The following RPH3AL variants were observed in gnomAD, a reference collection of about 807,000 sequenced individuals.
The protein encoded by RPH3AL is rabphilin 3A like (without C2 domains).
A neutral mutation model predicts 43.1 loss-of-function variants in RPH3AL; 38 were observed. The ratio of observed to expected loss-of-function variants is 0.88; its 90% confidence interval spans 0.68 to 1.15. RPH3AL has a LOEUF of 1.15. RPH3AL is among the 50% of genes most tolerant of loss of function. The pLI is 0.00. For missense variants in RPH3AL, 462 were observed against 423.2 expected (o/e 1.09, Z -0.81); for synonymous variants, 189 against 176.3 (o/e 1.07, Z -0.57).
chr17:249,086 G>A (rs1292781982), intron 6 of RPH3AL, among the ~76,000 whole-genome samples: 2 of 152,166 alleles, frequency 1.3e-5, no homozygotes, highest in Non-Finnish European at 2.9e-5. Flanking sequence ...CAGCTGCTGA[G>A]TTAAGGTCCC....
At chr17:329,879 C>T (rs1039473955) in intron 2 of RPH3AL, among the ~76,000 whole-genome samples, 1 of 152,182 alleles carries the variant, frequency 6.6e-6, no homozygotes, top group African/African-American at 2.4e-5. Flanking sequence ...AAATATTTTT[C>T]TTTGATATTG....
chr17:274,802 G>A lies in RPH3AL; in HGVS notation c.438+6966C>T, dbSNP rs543019548. 6.6e-6 allele frequency among the ~76,000 whole-genome samples: 1 copy of A among 152,334 alleles called. No individual in the cohort carries two copies. Among genetic ancestry groups the A allele is most frequent in the African/African-American group, 2.4e-5 (1 of 41,564 alleles). On this transcript the variant is annotated intron_variant, in intron 6 of 9. Coordinates refer to ENST00000331302, the MANE Select transcript of RPH3AL (RefSeq NM_006987.4). The surrounding 1 kb of genome is among the most constrained non-coding windows in gnomAD (Gnocchi z 4.7). Reference sequence around the variant, plus strand: ...GGGGAAAACCTCCAAAGTGTTTAGTGCAGGTGAATGTGGCATGCTAGGGCT... The same window carrying A: ...GGGGAAAACCTCCAAAGTGTTTAGTACAGGTGAATGTGGCATGCTAGGGCT...
At chr17:241,918 G>A (rs34170095) in intron 7 of RPH3AL, among the ~76,000 whole-genome samples, 24,412 of 151,790 alleles carry the variant, frequency 0.16, 2,036 homozygotes, top group South Asian at 0.19. Context: ...GGGGTTTGAG[G>A]CTAGCCTGGC....
At position 274,227 on chromosome 17, in the gene RPH3AL, AC is replaced by A. The variant is rs2042601492; in HGVS notation, c.438+7540del. ...AAGCACGTGGAAAAGGCACCGCGAA[AC>A]CCCAGCCCGGGGCCTCTGACAGCTC... On this transcript the variant is annotated intron_variant, in intron 6 of 9. Coordinates refer to ENST00000331302, the MANE Select transcript of RPH3AL (RefSeq NM_006987.4). This position sits in a 1 kb window ranked among gnomAD's most constrained non-coding sequence, Gnocchi z 4.7. Among the ~76,000 whole-genome samples the A allele has an allele frequency of 6.6e-6, 1 of 152,176 alleles. No individual in the cohort carries two copies. The highest frequency in any genetic ancestry group is 2.4e-5 in the African/African-American group (1 of 41,444).
rs1276788755 is a variant in RPH3AL, at chr17:292,943, C to G, written c.352-11089G>C. 2.0e-5 allele frequency among the ~76,000 whole-genome samples: 3 copies of G among 152,328 alleles called. No homozygotes were observed. The East Asian group carries it at 5.8e-4, about 29-fold the overall frequency. On this transcript the variant is annotated intron_variant, in intron 5 of 9. Transcript: ENST00000331302. ...CCTGCTGCCGGGTCTGAGACAGAAG[C>G]CAGAGGCAAGTGGAGAAACATTTCA...
chr17:285,107 G>A (rs1443257485), intron 5 of RPH3AL, among the ~76,000 whole-genome samples: 1 of 152,206 alleles, frequency 6.6e-6, no homozygotes, highest in East Asian at 1.9e-4. Context: ...GACCAGGACT[G>A]GGATCCTCTC....
At chr17:330,984 C>G (rs939535308) in intron 2 of RPH3AL, 1 of 152,164 alleles carries the variant, frequency 6.6e-6, no homozygotes. Context: ...CGGCACCCAA[C>G]AGAGCTTGAG....
intron 1 of RPH3AL, among the ~76,000 whole-genome samples, chr17:337,661 C>T (rs1281488802): frequency 1.3e-5 from 2 of 152,208 alleles, no homozygotes; most frequent in Non-Finnish European, 1.5e-5. Context: ...GGACCAACAG[C>T]GGCACCTCTC....
At chr17:280,448 A>G (rs1484616201) in intron 6 of RPH3AL, among the ~76,000 whole-genome samples, 1 of 152,228 alleles carries the variant, frequency 6.6e-6, no homozygotes, top group African/African-American at 2.4e-5. Context: ...GAATAATCCC[A>G]GTATCACCAT....
intron 6 of RPH3AL, among the ~76,000 whole-genome samples, chr17:270,246 T>C (rs2042430249): frequency 6.6e-6 from 1 of 152,134 alleles, no homozygotes; most frequent in Admixed American, 6.5e-5. Context: ...CTGGCAAAGC[T>C]GTTTGCAGCA....
intron 5 of RPH3AL, among the ~76,000 whole-genome samples, chr17:292,220 GC>G (rs2043064232): frequency 6.6e-6 from 1 of 152,176 alleles, no homozygotes; most frequent in African/African-American, 2.4e-5. Flanking sequence ...GCCCTGCTCA[GC>G]CCCTGAAGTG....
chr17:259,075 G>A (rs2042139407), intron 6 of RPH3AL, among the ~76,000 whole-genome samples: 1 of 152,172 alleles, frequency 6.6e-6, no homozygotes, highest in Non-Finnish European at 1.5e-5. Context: ...GCACCCGATG[G>A]ATCATTCCCT....
At chr17:242,232 G>C (rs1274664264) in intron 7 of RPH3AL, among the ~76,000 whole-genome samples, 1 of 152,048 alleles carries the variant, frequency 6.6e-6, no homozygotes, top group South Asian at 2.1e-4. Context: ...TTCATGACTT[G>C]TAGTATCTAT....
chr17:235,323 C>T (rs71372179), intron 7 of RPH3AL, among the ~76,000 whole-genome samples: 3 of 87,162 alleles, frequency 3.4e-5, no homozygotes, highest in African/African-American at 1.5e-4. Flanking sequence ...TGGGGTCGGC[C>T]GAGGCTCTGC....
chr17:221,817 G>C (rs12935951), intron 7 of RPH3AL, among the ~76,000 whole-genome samples: 5,061 of 30,584 alleles, frequency 0.17, 644 homozygotes, highest in Middle Eastern at 0.37. Context: ...AGCTCTGAGG[G>C]CTCCACTCAC....
At chr17:259,327 TC>T (rs1235004307) in intron 6 of RPH3AL, among the ~76,000 whole-genome samples, 1 of 152,168 alleles carries the variant, frequency 6.6e-6, no homozygotes, top group Non-Finnish European at 1.5e-5. Flanking sequence ...GAAAATGCCT[TC>T]CGCAGGGGAG....
chr17:245,235 G>T lies in RPH3AL; in HGVS notation c.613+1876C>A, dbSNP rs561711245. 6.6e-6 allele frequency among the ~76,000 whole-genome samples: 1 copy of T among 151,266 alleles called. No homozygotes were observed. Among genetic ancestry groups the T allele is most frequent in the Non-Finnish European group, 1.5e-5 (1 of 67,804 alleles). ...TGTGTCCATGTGGATGTGTGTGTGCGTGTGGATGAGAGCATGTGTGTGTGC... is the reference window on the plus strand; with the variant it reads ...TGTGTCCATGTGGATGTGTGTGTGCTTGTGGATGAGAGCATGTGTGTGTGC... On this transcript the variant is annotated intron_variant, in intron 7 of 9. Coordinates refer to ENST00000331302, the MANE Select transcript of RPH3AL (RefSeq NM_006987.4). The surrounding 1 kb of genome is among the most constrained non-coding windows in gnomAD (Gnocchi z 5.9).
chr17:319,594 G>T (rs773557856), intron 4 of RPH3AL, 45 bp from the exon 5 acceptor site: 7 of 1,602,562 alleles, frequency 4.4e-6, no homozygotes, highest in East Asian at 4.5e-5. Flanking sequence ...CTTCCTGCCT[G>T]GGCACAGTTG....
At chr17:301,971 G>A (rs967460401) in intron 5 of RPH3AL, among the ~76,000 whole-genome samples, 6 of 152,210 alleles carry the variant, frequency 3.9e-5, no homozygotes, top group East Asian at 3.9e-4. Context: ...CAGGCACAGC[G>A]GCTCTCAGAA....
Sources: allele counts gnomAD v4.1 joint callset (sites outside exome capture counted in the v4.1 genomes callset), GRCh38; gene constraint gnomAD v4.1.1; non-coding constraint Gnocchi (gnomAD v3.1); transcripts MANE v1.5; gene names NCBI Gene and HGNC (gene_info 2026-07-23, HGNC 2026-07-21).